The following DPYD variants were observed in gnomAD, a reference collection of about 807,000 sequenced individuals.
DPYD encodes the protein dihydropyrimidine dehydrogenase, also known as dihydropyrimidine dehydrogenase [NADP(+)].
DPYD carries 109 observed loss-of-function variants against 116.2 expected under a neutral mutation model. That is an observed-to-expected ratio of 0.94 (90% confidence interval 0.80 to 1.10). The LOEUF (loss-of-function observed/expected upper bound fraction) is 1.10. DPYD is among the 50% of genes least tolerant of loss of function. The pLI is 0.00. For missense variants in DPYD, 1,302 were observed against 1,254.5 expected, an observed-to-expected ratio of 1.04 and a Z score of -0.57; for synonymous variants, 440 against 432.0, an observed-to-expected ratio of 1.02 and a Z score of -0.23.
intron 13 of DPYD, among the ~76,000 whole-genome samples, chr1:97,503,538 C>T (rs1679714501): frequency 6.6e-6 from 1 of 151,950 alleles, no homozygotes; most frequent in Non-Finnish European, 1.5e-5. Context: ...TTTGTCGAAG[C>T]TTTCTCAGTC....
intron 11 of DPYD, among the ~76,000 whole-genome samples, chr1:97,568,380 T>C (rs914776958): frequency 3.9e-5 from 6 of 152,312 alleles, no homozygotes; most frequent in African/African-American, 1.4e-4. Context: ...CGCCTATATG[T>C]AAATGATTTA....
intron 16 of DPYD, among the ~76,000 whole-genome samples, chr1:97,361,398 C>T (rs555443609): frequency 5.3e-5 from 8 of 152,322 alleles, no homozygotes; most frequent in Admixed American, 1.3e-4. Flanking sequence ...GATACCATTC[C>T]TTCTGAAACT....
intron 8 of DPYD, among the ~76,000 whole-genome samples, chr1:97,616,278 A>C (rs1656263437): frequency 6.6e-6 from 1 of 152,032 alleles, no homozygotes; most frequent in Admixed American, 6.6e-5. Context: ...TCATTTGTTC[A>C]TTTTTTATTT....
chr1:97,527,969 C>T (rs1446559474), intron 12 of DPYD, among the ~76,000 whole-genome samples: 3 of 152,118 alleles, frequency 2.0e-5, no homozygotes, highest in Non-Finnish European at 4.4e-5. Flanking sequence ...TATGCTACAA[C>T]GGGCCCTATC....
At chr1:97,754,058 C>A (rs1665086963) in intron 3 of DPYD, among the ~76,000 whole-genome samples, 2 of 151,954 alleles carry the variant, frequency 1.3e-5, no homozygotes, top group Non-Finnish European at 2.9e-5. Flanking sequence ...GCCTAAGAAT[C>A]AATGCTGATG....
rs115360663 is a variant in DPYD, at chr1:97,310,941, T to C, written c.2059-4644A>G. Reference sequence around the variant, plus strand: ...ACAACAAAAAGAAACTAATGAATCATGCCACAACTTGGAATTAATAAAACA... The same window carrying C: ...ACAACAAAAAGAAACTAATGAATCACGCCACAACTTGGAATTAATAAAACA... On this transcript the variant is annotated intron_variant, in intron 16 of 22. Transcript: ENST00000370192. Among the ~76,000 whole-genome samples the C allele has an allele frequency of 6.9e-3, 1,055 of 151,876 alleles. 21 individuals carry two copies. Among genetic ancestry groups the C allele is most frequent in the African/African-American group, 0.024 (993 of 41,526 alleles).
intron 7 of DPYD, among the ~76,000 whole-genome samples, chr1:97,688,578 A>C (rs528105149): frequency 6.6e-6 from 1 of 152,228 alleles, no homozygotes; most frequent in Admixed American, 6.5e-5. Flanking sequence ...TATTCTTACC[A>C]ATGAGAAAAT....
intron 12 of DPYD, among the ~76,000 whole-genome samples, chr1:97,530,998 CT>C (rs1649580167): frequency 6.6e-6 from 1 of 151,110 alleles, no homozygotes. Flanking sequence ...TTAAAAGTTT[CT>C]TATATTTTTT....
At chr1:97,661,630 A>G (rs1262387541) in intron 8 of DPYD, among the ~76,000 whole-genome samples, 2 of 152,188 alleles carry the variant, frequency 1.3e-5, no homozygotes, top group African/African-American at 2.4e-5. Context: ...AGCAAACTTA[A>G]AGTCAATCAA....
intron 8 of DPYD, among the ~76,000 whole-genome samples, chr1:97,612,950 C>G (rs926658740): frequency 6.6e-6 from 1 of 151,856 alleles, no homozygotes; most frequent in East Asian, 1.9e-4. Flanking sequence ...TTGAAATTTT[C>G]TTACTGATTA....
chr1:97,616,844 A>T (rs1656302417), intron 8 of DPYD, among the ~76,000 whole-genome samples: 3 of 152,174 alleles, frequency 2.0e-5, no homozygotes, highest in African/African-American at 7.2e-5. Flanking sequence ...AATTCCTAAG[A>T]TTATTAGAGT....
At chr1:97,820,482 T>C (rs372876495) in intron 3 of DPYD, among the ~76,000 whole-genome samples, 1 of 152,284 alleles carries the variant, frequency 6.6e-6, no homozygotes, top group East Asian at 1.9e-4. Context: ...ACTCAAATAA[T>C]ATTTAGAAAT....
rs1481418005 is a variant in DPYD at position 97,581,765 on chromosome 1, AAAG to A, written c.1129-7798_1129-7796del. ...TGTCTCAAAAAAAAAAAAAAAAAAA[AAAG>A]AAAGGACAGCATGGAAAAGGTGCTA... is the stretch of plus-strand genomic sequence containing the variant. On this transcript the variant is annotated intron_variant, in intron 10 of 22. Transcript: ENST00000370192. Among the ~76,000 whole-genome samples the A allele has an allele frequency of 1.3e-4, 19 of 151,280 alleles. No homozygotes were observed. In the East Asian group the frequency reaches 3.5e-3, roughly 28 times the overall value.
At chr1:97,218,444 G>A (rs1411225354) in intron 19 of DPYD, among the ~76,000 whole-genome samples, 1 of 151,624 alleles carries the variant, frequency 6.6e-6, no homozygotes, top group African/African-American at 2.4e-5. Flanking sequence ...CTACCCATCC[G>A]CCTTTATACA....
At chr1:97,427,031 T>C (rs567889777) in intron 14 of DPYD, among the ~76,000 whole-genome samples, 49 of 152,218 alleles carry the variant, frequency 3.2e-4, no homozygotes, top group African/African-American at 1.1e-3. Context: ...TTTTATGCAG[T>C]ATATAATATG....
chr1:97,706,863 G>A (rs138139290), intron 5 of DPYD, among the ~76,000 whole-genome samples: 1 of 151,992 alleles, frequency 6.6e-6, no homozygotes, highest in African/African-American at 2.4e-5. Context: ...CAACTCTTTG[G>A]GGTAAATTGC....
intron 16 of DPYD, among the ~76,000 whole-genome samples, chr1:97,362,842 T>C (rs566776258): frequency 2.0e-4 from 31 of 152,170 alleles, no homozygotes; most frequent in Non-Finnish European, 1.2e-4. Context: ...CCTAAAACCA[T>C]AAAAACCCTA....
chr1:97,793,811 GA>G (rs1181110598), intron 3 of DPYD, among the ~76,000 whole-genome samples: 3 of 152,128 alleles, frequency 2.0e-5, no homozygotes, highest in African/African-American at 4.8e-5. Flanking sequence ...GGTAGACAAA[GA>G]TTTTTTTAGA....
At chr1:97,620,969 A>G (rs1436749618) in intron 8 of DPYD, among the ~76,000 whole-genome samples, 2 of 152,166 alleles carry the variant, frequency 1.3e-5, no homozygotes, top group Admixed American at 1.3e-4. Context: ...AAACTCAGCT[A>G]TCTAACAATC....
Sources: gnomAD v4.1 joint callset for allele counts (sites outside exome capture counted in the v4.1 genomes callset) on GRCh38, gnomAD v4.1.1 for gene constraint, MANE v1.5 for transcripts, NCBI Gene and HGNC (gene_info 2026-07-23, HGNC 2026-07-21) for gene names.